Variants in RBPMS observed in about 807,000 individuals in gnomAD.
RBPMS encodes RNA-binding protein with multiple splicing.
A neutral mutation model predicts 26.8 loss-of-function variants in RBPMS; 7 were observed. The ratio of observed to expected loss-of-function variants is 0.26; its 90% CI spans 0.15 to 0.49. The LOEUF (loss-of-function observed/expected upper bound fraction) is 0.49. Ranked by LOEUF, RBPMS falls within the 20% of genes least tolerant of loss-of-function variation. RBPMS has a pLI of 0.98. For synonymous variants in RBPMS, 96 were observed against 93.3 expected (o/e 1.03, Z -0.17); for missense variants, 186 against 250.0 (o/e 0.74, Z 1.73).
At chr8:30,471,030 A>G (rs557514415) in intron 1 of RBPMS, among the ~76,000 whole-genome samples, 2 of 152,330 alleles carry the variant, frequency 1.3e-5, no homozygotes, top group South Asian at 4.1e-4. Context: ...AAATTGAGGT[A>G]ATTCTCAACC....
intron 5 of RBPMS, among the ~76,000 whole-genome samples, chr8:30,516,250 G>T (rs1377143389): frequency 6.6e-6 from 1 of 152,096 alleles, no homozygotes; most frequent in Non-Finnish European, 1.5e-5. Flanking sequence ...TGTGGTGGAG[G>T]GTGGGGCACC....
chr8:30,536,426 G>A (rs1466145627), intron 5 of RBPMS, among the ~76,000 whole-genome samples: 1 of 152,050 alleles, frequency 6.6e-6, no homozygotes, highest in Non-Finnish European at 1.5e-5. Context: ...CGCGCCTGGC[G>A]AGATCATCTC....
intron 4 of RBPMS, among the ~76,000 whole-genome samples, chr8:30,498,620 TA>T (rs1820226463): frequency 6.6e-6 from 1 of 152,240 alleles, no homozygotes; most frequent in Admixed American, 6.5e-5. Flanking sequence ...AACATACATT[TA>T]GACTAAAGAC....
chr8:30,459,448 A>T (rs923393032), intron 1 of RBPMS, among the ~76,000 whole-genome samples: 2 of 152,216 alleles, frequency 1.3e-5, no homozygotes, highest in South Asian at 2.1e-4. Flanking sequence ...TACATGAAAC[A>T]TAAATAGATT....
Position 30,456,337 on chromosome 8 carries a change from C to G in RBPMS, c.67-18442C>G, listed in dbSNP as rs1815210836. 2.6e-5 allele frequency among the ~76,000 whole-genome samples: 4 copies of G among 152,206 alleles called. No individual in the cohort carries two copies. The South Asian group carries it at 8.3e-4, about 32-fold the overall frequency. On this transcript the variant is annotated intron_variant, in intron 1 of 8. Transcript: ENST00000397323. ...AAAAGGTCATCGAAGGTCTGTGAGC[C>G]AGTTGTCTAAGCGCTGCTTACACTC...
At chr8:30,493,439 C>T (rs567657534) in intron 4 of RBPMS, among the ~76,000 whole-genome samples, 1 of 152,170 alleles carries the variant, frequency 6.6e-6, no homozygotes, top group Admixed American at 6.5e-5. Flanking sequence ...CTACTGGCAG[C>T]ACCAGCCACG....
intron 5 of RBPMS, among the ~76,000 whole-genome samples, chr8:30,515,413 G>T (rs1037248619): frequency 6.6e-6 from 1 of 152,048 alleles, no homozygotes; most frequent in Non-Finnish European, 1.5e-5. Context: ...CCTGTAAAGG[G>T]TATTGAAATA....
chr8:30,434,580 T>C (rs931009238), intron 1 of RBPMS, among the ~76,000 whole-genome samples: 4 of 151,654 alleles, frequency 2.6e-5, no homozygotes, highest in African/African-American at 9.7e-5. Context: ...GGCAGGTGCC[T>C]GTAAACCCAG....
intron 4 of RBPMS, among the ~76,000 whole-genome samples, chr8:30,485,417 C>T (rs930211960): frequency 6.6e-6 from 1 of 152,044 alleles, no homozygotes; most frequent in African/African-American, 2.4e-5. Flanking sequence ...TAAAGAGGCC[C>T]AATTAGTGAG....
At chr8:30,545,519 T>A in intron 6 of RBPMS, 1 of 871,268 alleles carries the variant, frequency 1.1e-6, no homozygotes, top group South Asian at 5.3e-5. Context: ...GCCTTTAAAT[T>A]TTAAATTTTT....
intron 1 of RBPMS, among the ~76,000 whole-genome samples, chr8:30,466,061 C>T (rs1447659375): frequency 6.6e-6 from 1 of 152,132 alleles, no homozygotes; most frequent in Non-Finnish European, 1.5e-5. Flanking sequence ...TTGTGATCAC[C>T]TTGGCAAAGG....
In RBPMS at chr8:30,570,616, CAT is replaced by C. The variant is rs902423111; in HGVS notation, c.*112-20_*112-19del. Reference sequence around the variant, plus strand: ...GAGGGGTTGACACCTGCTCTCCTAACATGTTTTCTTTCTGTTTCAGGCTTGAA... The same window carrying C: ...GAGGGGTTGACACCTGCTCTCCTAACGTTTTCTTTCTGTTTCAGGCTTGAA... On this transcript the variant is annotated intron_variant, in intron 8 of 8. Coordinates refer to ENST00000397323, the MANE Select transcript of RBPMS (RefSeq NM_001008710.3). 2.6e-5 allele frequency: 4 copies of C among 152,710 alleles called. No individual in the cohort carries two copies. Among genetic ancestry groups the C allele is most frequent in the African/African-American group, 9.6e-5 (4 of 41,462 alleles). 9.5% of individuals were successfully genotyped at this position (152,710 alleles called of 1,614,324 possible).
In RBPMS at chr8:30,385,130, C is replaced by T; in HGVS notation, c.38C>T (p.Pro13Leu). Reference protein sequence around the residue: ...NGGKAEKENTPSEANLQEEEV... With the variant: ...NGGKAEKENTLSEANLQEEEV... The stretch of plus-strand genomic sequence containing the variant: ...GGCAAAGCCGAGAAGGAGAACACCC[C>T]GAGCGAGGCCAACCTTCAGGAGGAG... The change falls in exon 1 of 9, where the codon CCG (proline) becomes CTG (leucine). Residue 13 changes from proline to leucine, a missense_variant. Transcript: ENST00000397323. The T allele has an allele frequency of 3.3e-6, 5 of 1,527,282 alleles. No homozygotes were observed. The highest frequency in any genetic ancestry group is 1.4e-5 in the African/African-American group (1 of 69,950). 94.6% of individuals were successfully genotyped at this position (1,527,282 alleles called of 1,614,324 possible). A position where few individuals can be genotyped will look rare whatever the true frequency, so the allele number is the denominator to read the frequency against.
At chr8:30,392,868 G>T (rs1193920553) in intron 1 of RBPMS, among the ~76,000 whole-genome samples, 3 of 152,184 alleles carry the variant, frequency 2.0e-5, no homozygotes, top group Non-Finnish European at 2.9e-5. Context: ...TACTGAGTCT[G>T]GGGTGCAGAG....
intron 5 of RBPMS, among the ~76,000 whole-genome samples, chr8:30,541,117 A>G (rs918563065): frequency 4.6e-5 from 7 of 152,224 alleles, no homozygotes; most frequent in African/African-American, 1.4e-4. Context: ...AGTCCATTAA[A>G]GATTCTCCTT....
At chr8:30,558,689 G>A (rs1827185844) in intron 6 of RBPMS, 198 bp from the exon 7 acceptor site, 3 of 643,366 alleles carry the variant, frequency 4.7e-6, no homozygotes, top group Admixed American at 2.2e-5. Context: ...TTGCCTGTGT[G>A]TTCATAATGG....
chr8:30,450,133 G>C (rs1645058100), intron 1 of RBPMS, among the ~76,000 whole-genome samples: 1 of 152,220 alleles, frequency 6.6e-6, no homozygotes, highest in Non-Finnish European at 1.5e-5. Flanking sequence ...CTCTTAAAGT[G>C]AGGGTATGGG....
chr8:30,568,405 T>G (rs1269158677), intron 8 of RBPMS, among the ~76,000 whole-genome samples: 2 of 151,668 alleles, frequency 1.3e-5, no homozygotes, highest in Non-Finnish European at 2.9e-5. Context: ...GACCGCAGAG[T>G]GAGGGGCAGG....
In RBPMS at chr8:30,572,047, GGGGAAAA is replaced by G. The variant is rs1238739121; in HGVS notation, c.*1525_*1531del. The G allele has an allele frequency of 6.6e-6, 1 of 152,176 alleles. No individual in the cohort carries two copies. Among genetic ancestry groups the G allele is most frequent in the Non-Finnish European group, 1.5e-5 (1 of 68,032 alleles). The allele number at this position is 152,176 out of a possible 1,614,324, so 9.4% of individuals were successfully genotyped here. On this transcript the variant is annotated 3_prime_UTR_variant, in exon 9 of 9. Transcript: ENST00000397323. ...AGGGGCTCTTTCTTACCGTAAATAA[GGGGAAAA>G]GGCAGTTAGCTCAAGGACTTGTGAC...
Sources: gnomAD v4.1 joint callset for allele counts (sites outside exome capture counted in the v4.1 genomes callset) on GRCh38, gnomAD v4.1.1 for gene constraint, MANE v1.5 for transcripts, NCBI Gene and HGNC (gene_info 2026-07-23, HGNC 2026-07-21) for gene names.